Variants in VPS13B observed in about 807,000 individuals in gnomAD.
VPS13B encodes intermembrane lipid transfer protein VPS13B.
Under a neutral mutation model 426.4 loss-of-function variants are expected in VPS13B, and 285 were observed. That is an observed-to-expected ratio of 0.67 (90% CI 0.61 to 0.74). The LOEUF (loss-of-function observed/expected upper bound fraction) is 0.74, where lower values mean the gene tolerates loss of function less well. Ranked by LOEUF, VPS13B falls within the 30% of genes least tolerant of loss-of-function variation. The pLI, the probability that VPS13B is intolerant of heterozygous loss-of-function variation, is 0.00. For synonymous variants in VPS13B, 1,676 were observed against 1,676.4 expected, an observed-to-expected ratio of 1.00 and a Z score of 0.01; for missense variants, 4,537 against 4,782.6, an observed-to-expected ratio of 0.95 and a Z score of 1.51.
Position 99,121,363 on chromosome 8 carries a change from T to A in VPS13B, c.1124T>A (p.Met375Lys). 1.2e-6 allele frequency: 2 copies of A among 1,614,180 alleles called. No homozygotes were observed. The highest frequency in any genetic ancestry group is 8.5e-7 in the Non-Finnish European group (1 of 1,180,020). The change falls in exon 8 of 62, where the codon ATG (methionine) becomes AAG (lysine). Residue 375 changes from methionine (M) to lysine (K), a missense_variant. Around this residue, in one of 2 missense-constraint regions of VPS13B, gnomAD observed 4,311 missense variants for 4,474.3 expected, o/e 0.96. Coordinates refer to ENST00000357162, the MANE Select transcript of VPS13B (RefSeq NM_152564.5). Reference protein sequence around the residue: ...DFVGNDPASTMHQQKAQTLKD... With the variant: ...DFVGNDPASTKHQQKAQTLKD... ...GTTGGGAACGATCCTGCATCAACCATGCATCAACAAAAAGCACAGACTTTG... is the reference window on the plus strand; with the variant it reads ...GTTGGGAACGATCCTGCATCAACCAAGCATCAACAAAAAGCACAGACTTTG...
chr8:99,370,790 A>C (rs556228615), intron 19 of VPS13B, among the ~76,000 whole-genome samples: 87 of 151,898 alleles, frequency 5.7e-4, no homozygotes, highest in African/African-American at 2.1e-3. Context: ...TTGTATTTTT[A>C]ATAGAGATGG....
At chr8:99,085,370 T>G (rs770267724) in intron 3 of VPS13B, among the ~76,000 whole-genome samples, 5 of 152,232 alleles carry the variant, frequency 3.3e-5, no homozygotes, top group Non-Finnish European at 7.3e-5. Flanking sequence ...ATGGGTTTCC[T>G]GAATACAGCA....
At position 99,307,753 on chromosome 8, in the gene VPS13B, A is replaced by G. The variant is rs548875557; in HGVS notation, c.2824+32499A>G. On this transcript the variant is annotated intron_variant, in intron 19 of 61. Coordinates refer to ENST00000357162, the MANE Select transcript of VPS13B (RefSeq NM_152564.5). Reference sequence around the variant, plus strand: ...CCTTTTTCATTGAAGTTTCTATTTCATTTAGTTCTGCTCTGACTTTTATTA... The same window carrying G: ...CCTTTTTCATTGAAGTTTCTATTTCGTTTAGTTCTGCTCTGACTTTTATTA... 2.4e-4 allele frequency among the ~76,000 whole-genome samples: 37 copies of G among 152,092 alleles called. 1 individual carries two copies. Among genetic ancestry groups the G allele is most frequent in the Middle Eastern group, 6.8e-3 (2 of 294 alleles).
intron 19 of VPS13B, among the ~76,000 whole-genome samples, chr8:99,285,988 C>T (rs2133032618): frequency 6.6e-6 from 1 of 152,170 alleles, no homozygotes; most frequent in Admixed American, 6.5e-5. Context: ...GTTTTATTTT[C>T]ACCTCCCTCT....
intron 30 of VPS13B, among the ~76,000 whole-genome samples, chr8:99,550,961 C>T (rs995620058): frequency 1.3e-5 from 2 of 151,996 alleles, no homozygotes; most frequent in African/African-American, 2.4e-5. Context: ...AGCAGGTTGT[C>T]GGATTTTATA....
chr8:99,427,501 CAGAG>C (rs1206376980), intron 21 of VPS13B, among the ~76,000 whole-genome samples: 1 of 151,540 alleles, frequency 6.6e-6, no homozygotes, highest in East Asian at 2.0e-4. Flanking sequence ...AACAGACAAA[CAGAG>C]AGTCAAATCC....
intron 7 of VPS13B, 71 bp from the exon 8 acceptor site, chr8:99,121,106 A>G (rs1206105380): frequency 1.1e-5 from 16 of 1,466,488 alleles, no homozygotes; most frequent in Non-Finnish European, 1.5e-5. Context: ...AAAATTTTAA[A>G]GGATGTCTAT....
chr8:99,831,795 A>C (rs1400503567), intron 51 of VPS13B, among the ~76,000 whole-genome samples: 1 of 152,230 alleles, frequency 6.6e-6, no homozygotes, highest in African/African-American at 2.4e-5. Context: ...TGGCACGGTT[A>C]TATACAAGTA....
At chr8:99,138,506 C>G (rs1328140566) in intron 12 of VPS13B, among the ~76,000 whole-genome samples, 1 of 152,210 alleles carries the variant, frequency 6.6e-6, no homozygotes, top group Non-Finnish European at 1.5e-5. Flanking sequence ...GGATTTAATT[C>G]TCTGCTGTTA....
intron 39 of VPS13B, among the ~76,000 whole-genome samples, chr8:99,726,121 G>A (rs1833339872): frequency 6.6e-6 from 1 of 152,058 alleles, no homozygotes; most frequent in African/African-American, 2.4e-5. Context: ...TTTTGTAATT[G>A]TAATGAAAAA....
At chr8:99,845,500 T>C (rs886144016) in intron 54 of VPS13B, among the ~76,000 whole-genome samples, 2 of 152,202 alleles carry the variant, frequency 1.3e-5, no homozygotes, top group African/African-American at 4.8e-5. Flanking sequence ...TGGGTGCAGC[T>C]GGGAAGTCTG....
chr8:99,220,780 C>CTTTTTTTTTTTTTTTTT (rs5893485), intron 17 of VPS13B, among the ~76,000 whole-genome samples: 2 of 112,958 alleles, frequency 1.8e-5, no homozygotes, highest in Non-Finnish European at 1.7e-5. Context: ...TAGTTTTATT[C>CTTTTTTTTTTTTTTTTT]TTTTTTTTTT....
chr8:99,546,497 G>T (rs1176189169), intron 30 of VPS13B, among the ~76,000 whole-genome samples: 1 of 151,932 alleles, frequency 6.6e-6, no homozygotes, highest in East Asian at 1.9e-4. Flanking sequence ...TTCCCATTTG[G>T]ACTATGCTGT....
At chr8:99,019,298 C>T (rs1177614903) in intron 2 of VPS13B, among the ~76,000 whole-genome samples, 4 of 151,100 alleles carry the variant, frequency 2.6e-5, no homozygotes, top group Non-Finnish European at 4.4e-5. Flanking sequence ...CCTCTACTTC[C>T]TGGGTTCAAA....
chr8:99,050,573 G>A (rs190807900), intron 3 of VPS13B, among the ~76,000 whole-genome samples: 51 of 152,236 alleles, frequency 3.4e-4, no homozygotes, highest in African/African-American at 1.2e-3. Flanking sequence ...TGGGTCAAAT[G>A]GTATTTCTAG....
intron 25 of VPS13B, among the ~76,000 whole-genome samples, chr8:99,489,062 A>G (rs963907842): frequency 6.6e-6 from 1 of 152,136 alleles, no homozygotes; most frequent in African/African-American, 2.4e-5. Flanking sequence ...CTTTCTGTAT[A>G]AGGTTTAAGG....
In VPS13B at chr8:99,875,474, C is replaced by T. The variant is rs1302197053; in HGVS notation, c.11802C>T (p.Tyr3934=). 1.9e-6 allele frequency: 3 copies of T among 1,614,182 alleles called. No individual in the cohort carries two copies. The highest frequency in any genetic ancestry group is 2.2e-5 in the South Asian group (2 of 91,084). ...SEQQYNRLVD[Y]ITKTSCHLAP... ...AACAGTACAACAGACTGGTGGACTACATCACAAAGACATCTTGTCACCTGG... is the reference window on the plus strand; with the variant it reads ...AACAGTACAACAGACTGGTGGACTATATCACAAAGACATCTTGTCACCTGG... The change falls in exon 62 of 62, where the codon TAC becomes TAT. Residue 3934 remains tyrosine (Y), a synonymous_variant. Transcript: ENST00000357162.
In VPS13B at chr8:99,853,610, G is replaced by A. The variant is rs746473073; in HGVS notation, c.10221G>A (p.Gly3407=). 2 of 1,614,030 alleles carry A rather than the reference G, an allele frequency of 1.2e-6. No individual in the cohort carries two copies. Among genetic ancestry groups the A allele is most frequent in the African/African-American group, 2.7e-5 (2 of 74,910 alleles). The change falls in exon 56 of 62, where the codon GGG becomes GGA. Residue 3407 remains glycine, a synonymous_variant. Transcript: ENST00000357162. ...CCCCGGGAGCTGGTCCCCTCCCTGG[G>A]GAAGAGCCTGTGGCTGCGTTGTTTG... is the stretch of plus-strand genomic sequence containing the variant. The part of the protein sequence containing the change: ...CVAPGAGPLP[G]EEPVAALFEL...
chr8:99,435,056 C>G (rs553982717), intron 22 of VPS13B, among the ~76,000 whole-genome samples: 2 of 152,236 alleles, frequency 1.3e-5, no homozygotes, highest in African/African-American at 2.4e-5. Flanking sequence ...CCTTAGAAAA[C>G]TTAACGATGA....
Sources: allele counts gnomAD v4.1 joint callset (sites outside exome capture counted in the v4.1 genomes callset), GRCh38; gene constraint gnomAD v4.1.1; regional missense constraint gnomAD v4.1.1; transcripts MANE v1.5; gene names NCBI Gene and HGNC (gene_info 2026-07-23, HGNC 2026-07-21).